The following CDKL3 variants were observed in gnomAD, a reference collection of about 807,000 sequenced individuals.
The protein encoded by CDKL3 is cyclin-dependent kinase-like 3.
CDKL3 carries 65 observed loss-of-function variants against 69.3 expected under a neutral mutation model. The observed-to-expected ratio is 0.94, with a 90% CI of 0.77 to 1.15. The LOEUF is 1.15. Ranked by LOEUF, CDKL3 falls within the 50% of genes most tolerant of loss-of-function variation. The pLI, the probability that CDKL3 is intolerant of heterozygous loss-of-function variation, is 0.00. For missense variants in CDKL3, 652 were observed against 689.2 expected (o/e 0.95, Z 0.61); for synonymous variants, 202 against 221.6 (o/e 0.91, Z 0.79).
chr5:134,329,940 G>A (rs1775357640), intron 4 of CDKL3, among the ~76,000 whole-genome samples: 1 of 151,512 alleles, frequency 6.6e-6, no homozygotes, highest in African/African-American at 2.4e-5. Context: ...AGTCTGGAAG[G>A]TGGAGATTGC....
chr5:134,304,706 C>G lies in CDKL3; in HGVS notation c.1459-139G>C, dbSNP rs118081310. 289 of 545,734 alleles carry G rather than the reference C, an allele frequency of 5.3e-4. 3 individuals are homozygous for G. In the East Asian group the frequency reaches 9.2e-3, roughly 17 times the overall value. The allele number at this position is 545,734 out of a possible 1,614,324, so 33.8% of individuals were successfully genotyped here. On this transcript the variant is annotated intron_variant, in intron 10 of 12. Coordinates refer to ENST00000265334, the MANE Select transcript of CDKL3 (RefSeq NM_001113575.2). ...ATAATTAAGAAGATTTAGAATAGAA[C>G]ACTATTGAACATATCAACAGATCAA... is the stretch of plus-strand genomic sequence containing the variant.
At chr5:134,352,455 C>T (rs1002660903) in intron 3 of CDKL3, among the ~76,000 whole-genome samples, 7 of 151,940 alleles carry the variant, frequency 4.6e-5, no homozygotes, top group Admixed American at 1.3e-4. Context: ...GACATGCCAC[C>T]ACGCCCGGCT....
chr5:134,301,449 G>A (rs1766306659), intron 12 of CDKL3, among the ~76,000 whole-genome samples: 1 of 152,182 alleles, frequency 6.6e-6, no homozygotes, highest in Non-Finnish European at 1.5e-5. Context: ...AAATATTATA[G>A]AGATCAAGTA....
chr5:134,350,075 C>G (rs1004795733), intron 4 of CDKL3, among the ~76,000 whole-genome samples, 174 bp downstream of exon 4: 8 of 152,142 alleles, frequency 5.3e-5, no homozygotes, highest in Non-Finnish European at 1.0e-4. Context: ...GTAGTCCCAA[C>G]TACTTGGGAG....
At chr5:134,286,806 C>T (rs1054124092) in intron 8 of CDKL3, among the ~76,000 whole-genome samples, 1 of 152,156 alleles carries the variant, frequency 6.6e-6, no homozygotes, top group Non-Finnish European at 1.5e-5. Context: ...AATTACCTCC[C>T]ACCAGGTCCC....
At chr5:134,303,352 C>T (rs1766837925) in intron 11 of CDKL3, among the ~76,000 whole-genome samples, 1 of 152,126 alleles carries the variant, frequency 6.6e-6, no homozygotes, top group African/African-American at 2.4e-5. Context: ...GCTGGGATTA[C>T]AGGTGTGAGC....
intron 2 of CDKL3, among the ~76,000 whole-genome samples, chr5:134,362,370 T>C (rs554597049): frequency 7.3e-4 from 111 of 152,108 alleles, no homozygotes; most frequent in African/African-American, 2.0e-3. Context: ...AAATACAAAA[T>C]TAGCCTGGCA....
At chr5:134,311,805 CTTTTTT>C (rs1561526011) in intron 7 of CDKL3, among the ~76,000 whole-genome samples, 1 of 151,892 alleles carries the variant, frequency 6.6e-6, no homozygotes, top group African/African-American at 2.4e-5. Flanking sequence ...CTTTCTTTTT[CTTTTTT>C]TGAGATAGGG....
chr5:134,318,127 G>A (rs1025003972), intron 6 of CDKL3, among the ~76,000 whole-genome samples: 5 of 151,490 alleles, frequency 3.3e-5, no homozygotes, highest in Middle Eastern at 3.4e-3. Context: ...GCTGAGGCAG[G>A]AAAATTGCTT....
intron 6 of CDKL3, among the ~76,000 whole-genome samples, chr5:134,314,876 G>C (rs1287113704): frequency 6.6e-6 from 1 of 152,150 alleles, no homozygotes; most frequent in Non-Finnish European, 1.5e-5. Flanking sequence ...TATCGTGTGT[G>C]TGTTTGTGTG....
At chr5:134,321,112 A>G (rs188995473) in intron 5 of CDKL3, among the ~76,000 whole-genome samples, 2,149 of 143,950 alleles carry the variant, frequency 0.015, 36 homozygotes, top group African/African-American at 0.053. Context: ...GGGTTCAAGC[A>G]GTTCTCATGC....
intron 4 of CDKL3, among the ~76,000 whole-genome samples, chr5:134,328,130 G>C (rs1025307086): frequency 6.6e-6 from 1 of 152,178 alleles, no homozygotes; most frequent in African/African-American, 2.4e-5. Context: ...ATCTGTGAGA[G>C]ATGACCCATA....
At chr5:134,326,788 A>C (rs1360378802) in intron 4 of CDKL3, among the ~76,000 whole-genome samples, 1 of 128,994 alleles carries the variant, frequency 7.8e-6, no homozygotes, top group Non-Finnish European at 1.7e-5. Context: ...AAATACTTAA[A>C]GCGTGTGTGT....
upstream of CDKL3, among the ~76,000 whole-genome samples, chr5:134,367,685 T>G (rs997182751): frequency 6.6e-6 from 1 of 152,236 alleles, no homozygotes; most frequent in Non-Finnish European, 1.5e-5. Flanking sequence ...AGATGGTTCT[T>G]AAATCAAAAA....
At chr5:134,324,307 A>T (rs1309361285) in intron 4 of CDKL3, among the ~76,000 whole-genome samples, 1 of 152,252 alleles carries the variant, frequency 6.6e-6, no homozygotes, top group Non-Finnish European at 1.5e-5. Context: ...AGCTAAACAT[A>T]GTCTTACCAT....
upstream of CDKL3, among the ~76,000 whole-genome samples, chr5:134,370,002 G>A (rs1000538951): frequency 3.9e-5 from 6 of 152,138 alleles, no homozygotes; most frequent in African/African-American, 1.4e-4. Flanking sequence ...AACACATTGC[G>A]AATGTCTAAC....
chr5:134,290,803 T>C (rs1448340834), intron 8 of CDKL3, among the ~76,000 whole-genome samples: 1 of 151,992 alleles, frequency 6.6e-6, no homozygotes, highest in Non-Finnish European at 1.5e-5. Flanking sequence ...TCCCAAAGTG[T>C]TGGGATTATA....
intron 3 of CDKL3, among the ~76,000 whole-genome samples, chr5:134,356,825 T>C (rs1200729018): frequency 3.9e-5 from 6 of 152,060 alleles, no homozygotes; most frequent in African/African-American, 1.2e-4. Context: ...AAAACTCTTA[T>C]CTCACAATCA....
At chr5:134,306,914 C>T (rs1447177569) in intron 9 of CDKL3, among the ~76,000 whole-genome samples, 1 of 151,882 alleles carries the variant, frequency 6.6e-6, no homozygotes, top group Admixed American at 6.6e-5. Context: ...TCCAACATGC[C>T]CAACTAATTT....
Sources: allele counts gnomAD v4.1 joint callset (sites outside exome capture counted in the v4.1 genomes callset), GRCh38; gene constraint gnomAD v4.1.1; transcripts MANE v1.5; gene names NCBI Gene and HGNC (gene_info 2026-07-23, HGNC 2026-07-21).